RBFOX1: variants seen among roughly 807,000 people sequenced by gnomAD.
The protein encoded by RBFOX1 is RNA binding fox-1 homolog 1.
In RBFOX1, 8 loss-of-function variants were observed where a neutral mutation model predicts 57.7. The observed-to-expected ratio is 0.14, with a 90% CI of 0.08 to 0.25. The LOEUF is 0.25. Ranked by LOEUF, RBFOX1 falls within the 10% of genes least tolerant of loss-of-function variation. The probability of loss-of-function intolerance (pLI) is 1.00; values close to 1 mark genes in which losing one functional copy is unlikely to be tolerated. For synonymous variants in RBFOX1, 326 were observed against 222.4 expected, an observed-to-expected ratio of 1.47 and a Z score of -4.15; for missense variants, 611 against 548.5, an observed-to-expected ratio of 1.11 and a Z score of -1.14.
intron 3 of RBFOX1, among the ~76,000 whole-genome samples, chr16:6,668,167 C>A (rs1055935058): frequency 6.6e-6 from 1 of 152,162 alleles, no homozygotes; most frequent in African/African-American, 2.4e-5. Flanking sequence ...AGTAAAGGTG[C>A]AGACCAGGGA....
At chr16:6,058,735 A>T (rs1596806747) in intron 1 of RBFOX1, among the ~76,000 whole-genome samples, 1 of 149,262 alleles carries the variant, frequency 6.7e-6, no homozygotes, top group Non-Finnish European at 1.5e-5. Flanking sequence ...CCATCCACCA[A>T]TCCATCCACC....
At chr16:5,393,515 A>G (rs1328617011) in intron 1 of RBFOX1, among the ~76,000 whole-genome samples, 1 of 152,032 alleles carries the variant, frequency 6.6e-6, no homozygotes, top group African/African-American at 2.4e-5. Context: ...CATCCATTAG[A>G]CTGTCACTTT....
chr16:5,859,625 T>A (rs149753750), intron 3 of RBFOX1, among the ~76,000 whole-genome samples: 45 of 152,130 alleles, frequency 3.0e-4, no homozygotes, highest in African/African-American at 9.2e-4. Context: ...GTGCCCAGGG[T>A]TTTGTGACAG....
chr16:5,653,672 G>A (rs993023661), intron 3 of RBFOX1, among the ~76,000 whole-genome samples: 4 of 152,174 alleles, frequency 2.6e-5, no homozygotes, highest in African/African-American at 7.2e-5. Context: ...TGAAATGCTC[G>A]GCTTTTGGGG....
chr16:5,550,981 G>C (rs1049998867), intron 2 of RBFOX1, among the ~76,000 whole-genome samples: 1 of 152,162 alleles, frequency 6.6e-6, no homozygotes, highest in African/African-American at 2.4e-5. Context: ...GGATCCAACT[G>C]TCTTATTTCT....
At chr16:5,817,938 C>A (rs1242019838) in intron 3 of RBFOX1, among the ~76,000 whole-genome samples, 2 of 151,988 alleles carry the variant, frequency 1.3e-5, no homozygotes, top group East Asian at 1.9e-4. Flanking sequence ...GTTCTACCCA[C>A]CTCGGCCTCC....
rs117135929 is a variant in RBFOX1 at position 6,692,903 on chromosome 16, C to T, written c.-16+38253C>T. On this transcript the variant is annotated intron_variant, in intron 3 of 15. Coordinates refer to ENST00000550418, the MANE Select transcript of RBFOX1 (RefSeq NM_018723.4). ...TTACTATCACCACCATCATTATCAG[C>T]ATCATCTTCATAGTACTACCATCAC... Among the ~76,000 whole-genome samples, 65 of 151,912 alleles carry T rather than the reference C, an allele frequency of 4.3e-4. 1 individual carries two copies. The East Asian group carries it at 9.9e-3, about 23-fold the overall frequency.
At chr16:6,907,641 G>C (rs763004813) in intron 3 of RBFOX1, among the ~76,000 whole-genome samples, 2 of 152,136 alleles carry the variant, frequency 1.3e-5, no homozygotes, top group East Asian at 3.9e-4. Context: ...CACGATCTTG[G>C]CTCACTGCAG....
intron 1 of RBFOX1, among the ~76,000 whole-genome samples, chr16:5,308,779 T>A (rs191985209): frequency 5.3e-5 from 8 of 152,220 alleles, no homozygotes; most frequent in Middle Eastern, 6.8e-3. Flanking sequence ...TGTCTTATAT[T>A]AAGTATACAG....
chr16:6,107,150 T>A (rs1191327367), intron 1 of RBFOX1, among the ~76,000 whole-genome samples: 2 of 152,134 alleles, frequency 1.3e-5, no homozygotes, highest in Admixed American at 6.5e-5. Context: ...CTTTTTTGTT[T>A]TTTTGTTTTT....
chr16:7,205,129 C>G (rs764952336), intron 4 of RBFOX1, among the ~76,000 whole-genome samples: 103 of 152,090 alleles, frequency 6.8e-4, no homozygotes, highest in Non-Finnish European at 1.2e-3. Context: ...CCTCCCTTCA[C>G]TGATAGTAAG....
intron 3 of RBFOX1, among the ~76,000 whole-genome samples, chr16:7,006,775 C>G (rs370543611): frequency 6.6e-6 from 1 of 152,160 alleles, no homozygotes; most frequent in Non-Finnish European, 1.5e-5. Flanking sequence ...AAAGTAAACC[C>G]TATGCAGAAG....
At chr16:6,821,881 G>A (rs1037944853) in intron 3 of RBFOX1, among the ~76,000 whole-genome samples, 1 of 152,106 alleles carries the variant, frequency 6.6e-6, no homozygotes, top group Non-Finnish European at 1.5e-5. Flanking sequence ...TATATACCTA[G>A]GCATGAAATT....
chr16:6,083,778 C>T (rs1268113823), intron 1 of RBFOX1, among the ~76,000 whole-genome samples: 1 of 152,088 alleles, frequency 6.6e-6, no homozygotes, highest in Non-Finnish European at 1.5e-5. Flanking sequence ...GACCTGGCCC[C>T]CCTTCTTTGG....
intron 4 of RBFOX1, among the ~76,000 whole-genome samples, chr16:7,304,882 G>C (rs79274317): frequency 0.022 from 3,349 of 151,594 alleles, 53 homozygotes; most frequent in Non-Finnish European, 0.037. Context: ...ATTTAATAGA[G>C]AGTGGAAAGG....
At chr16:6,342,854 G>C (rs2084778315) in intron 2 of RBFOX1, among the ~76,000 whole-genome samples, 1 of 152,136 alleles carries the variant, frequency 6.6e-6, no homozygotes, top group East Asian at 1.9e-4. Context: ...TGGTGTGAGA[G>C]GAATGCTTTA....
intron 2 of RBFOX1, among the ~76,000 whole-genome samples, chr16:6,516,198 C>G (rs554805044): frequency 5.3e-4 from 80 of 152,144 alleles, no homozygotes; most frequent in African/African-American, 1.7e-3. Flanking sequence ...CTGGCTAATA[C>G]TTGTATTTTT....
At chr16:7,266,015 C>G (rs1371390603) in intron 4 of RBFOX1, among the ~76,000 whole-genome samples, 2 of 132,056 alleles carry the variant, frequency 1.5e-5, no homozygotes, top group African/African-American at 3.0e-5. Context: ...TGCTGTGTTG[C>G]CCAGGCTGGA....
At chr16:7,260,483 G>C (rs565004192) in intron 4 of RBFOX1, among the ~76,000 whole-genome samples, 2 of 151,082 alleles carry the variant, frequency 1.3e-5, no homozygotes, top group African/African-American at 4.9e-5. Context: ...TTTTTTTTTC[G>C]TGCATATTGA....
Sources: allele counts gnomAD v4.1 joint callset (sites outside exome capture counted in the v4.1 genomes callset), GRCh38; gene constraint gnomAD v4.1.1; transcripts MANE v1.5; gene names NCBI Gene and HGNC (gene_info 2026-07-23, HGNC 2026-07-21).